The following LRRC9 variants were observed in gnomAD, a reference collection of about 807,000 sequenced individuals.
The protein encoded by LRRC9 is leucine rich repeat containing 9, also known as leucine-rich repeat-containing protein 9.
LRRC9 carries 122 observed loss-of-function variants against 63.2 expected under a neutral mutation model. The ratio of observed to expected loss-of-function variants is 1.93; its 90% confidence interval spans 1.67 to 2.24. The LOEUF (loss-of-function observed/expected upper bound fraction) is 2.24. LRRC9 is among the 30% of genes most tolerant of loss of function. LRRC9 has a pLI of 0.00. For missense variants in LRRC9, 1,071 were observed against 627.7 expected, an observed-to-expected ratio of 1.71 and a Z score of -7.55; for synonymous variants, 366 against 213.1, an observed-to-expected ratio of 1.72 and a Z score of -6.25.
chr14:60,053,152 G>A lies in LRRC9; in HGVS notation c.4078G>A (p.Asp1360Asn). 4.3e-6 allele frequency: 3 copies of A among 701,628 alleles called. No individual in the cohort carries two copies. Among genetic ancestry groups the A allele is most frequent in the Non-Finnish European group, 7.8e-6 (3 of 384,198 alleles). 43.5% of individuals were successfully genotyped at this position (701,628 alleles called of 1,614,324 possible). Residue 1360 changes from aspartate to asparagine, a missense_variant, in exon 30 of 32, where the codon GAT becomes AAT. Physicochemically the swap from Asp to Asn is conservative, Grantham distance 23 (BLOSUM62 1). Transcript: ENST00000445360. The surrounding 1 kb of genome is among the most constrained non-coding windows in gnomAD (Gnocchi z 4.8). ...AGATGGAAGTCCTGTGAATTCAGAT[G>A]ATAGGGCAAAAGCTGAATTTCACCT... is the stretch of plus-strand genomic sequence containing the variant.
intron 29 of LRRC9, among the ~76,000 whole-genome samples, chr14:60,045,323 C>G (rs994754897): frequency 6.6e-6 from 1 of 152,098 alleles, no homozygotes; most frequent in African/African-American, 2.4e-5. Flanking sequence ...AGGTCTGTTA[C>G]TTATGTAAAC....
At position 60,053,993 on chromosome 14, in the gene LRRC9, G is replaced by A. The variant is rs951449827; in HGVS notation, c.4131+788G>A. On this transcript the variant is annotated intron_variant, in intron 30 of 31. Transcript: ENST00000445360. This position sits in a 1 kb window ranked among gnomAD's most constrained non-coding sequence, Gnocchi z 4.8. ...GAGATGTTATGAAGACCTGGACCAC[G>A]GTAGAGAATATAAATGAATCTTTGA... 8 of 432,336 alleles carry A rather than the reference G, an allele frequency of 1.9e-5. No homozygotes were observed. Among genetic ancestry groups the A allele is most frequent in the East Asian group, 1.4e-4 (2 of 14,238 alleles). 26.8% of individuals were successfully genotyped at this position (432,336 alleles called of 1,614,324 possible). A position where few individuals can be genotyped will look rare whatever the true frequency, so the allele number is the denominator to read the frequency against.
In LRRC9 at chr14:60,031,069, G is replaced by A. The variant is rs375296849; in HGVS notation, c.3922-926G>A. On this transcript the variant is annotated intron_variant, in intron 28 of 31. Coordinates refer to ENST00000445360, the Ensembl canonical transcript of LRRC9. The surrounding 1 kb of genome is among the most constrained non-coding windows in gnomAD (Gnocchi z 4.6). ...TTGAGAAAATAATGTAAGACTTTTCGCATGTCCATGATTACTGATCAGGCT... is the reference window on the plus strand; with the variant it reads ...TTGAGAAAATAATGTAAGACTTTTCACATGTCCATGATTACTGATCAGGCT... Among the ~76,000 whole-genome samples, 18 of 151,978 alleles carry A rather than the reference G, an allele frequency of 1.2e-4. No homozygotes were observed. The highest frequency in any genetic ancestry group is 3.9e-4 in the African/African-American group (16 of 41,414).
At chr14:59,945,154 A>C (rs1872603496) in intron 8 of LRRC9, among the ~76,000 whole-genome samples, 1 of 151,960 alleles carries the variant, frequency 6.6e-6, no homozygotes, top group African/African-American at 2.4e-5. Context: ...GCTAAAAAAA[A>C]AAAAACCCTT....
rs200948568 is a variant in LRRC9, at chr14:59,944,864, ACT to A, written c.882+122_882+123del. The A allele has an allele frequency of 8.0e-4, 325 of 408,338 alleles. 2 individuals are homozygous for A. Among genetic ancestry groups the A allele is most frequent in the African/African-American group, 7.1e-3 (269 of 37,664 alleles). 25.3% of individuals were successfully genotyped at this position (408,338 alleles called of 1,614,324 possible). A position where few individuals can be genotyped will look rare whatever the true frequency, so the allele number is the denominator to read the frequency against. ...ACATATATAATACACACACACACAC[ACT>A]CACACACACACACACACACATATGT... On this transcript the variant is annotated intron_variant, in intron 8 of 31. Transcript: ENST00000445360.
intron 17 of LRRC9, among the ~76,000 whole-genome samples, chr14:59,997,115 T>C (rs1205268266): frequency 1.3e-5 from 2 of 152,102 alleles, no homozygotes; most frequent in African/African-American, 4.8e-5. Flanking sequence ...AATAGGATTA[T>C]ATATGTTTTC....
chr14:60,038,017 T>C (rs1289459551), intron 29 of LRRC9, among the ~76,000 whole-genome samples: 3 of 152,218 alleles, frequency 2.0e-5, no homozygotes, highest in South Asian at 2.1e-4. Context: ...ATTTATTAAA[T>C]AGGGAATCCT....
chr14:60,006,584 T>C (rs1031763119), exon 22 of LRRC9: 7 of 694,152 alleles, frequency 1.0e-5, no homozygotes, highest in Non-Finnish European at 1.8e-5. Context: ...GCAATAACTA[T>C]ATTGCTGTCA....
chr14:60,021,246 A>T (rs1038186926), intron 26 of LRRC9, among the ~76,000 whole-genome samples: 2 of 151,832 alleles, frequency 1.3e-5, no homozygotes, highest in Non-Finnish European at 1.5e-5. Context: ...AATGACGAAT[A>T]GTGTTGAGCA....
intron 12 of LRRC9, among the ~76,000 whole-genome samples, chr14:59,970,648 A>T (rs1046470116): frequency 6.6e-6 from 1 of 152,020 alleles, no homozygotes; most frequent in African/African-American, 2.4e-5. Flanking sequence ...ATGGTGTCTC[A>T]TTGTGGTTTT....
intron 17 of LRRC9, among the ~76,000 whole-genome samples, chr14:59,991,134 G>A (rs1168149645): frequency 1.3e-5 from 2 of 152,166 alleles, no homozygotes; most frequent in African/African-American, 2.4e-5. Context: ...TTCCAGTATT[G>A]TAAAAAGTTA....
intron 6 of LRRC9, among the ~76,000 whole-genome samples, chr14:59,937,199 A>C (rs1273923240): frequency 6.7e-6 from 1 of 150,138 alleles, no homozygotes; most frequent in Admixed American, 6.6e-5. Context: ...TTTCTGTAAA[A>C]AAAAAAAAAA....
intron 31 of LRRC9, among the ~76,000 whole-genome samples, chr14:60,061,284 T>C (rs1894642632): frequency 6.6e-6 from 1 of 152,186 alleles, no homozygotes; most frequent in Non-Finnish European, 1.5e-5. Flanking sequence ...GCAAACTCCA[T>C]TGTTGTCTTA....
In LRRC9 at chr14:60,014,414, TC is replaced by T. The variant is rs1890511176; in HGVS notation, c.3187-2245del. 2.6e-5 allele frequency among the ~76,000 whole-genome samples: 4 copies of T among 152,164 alleles called. No individual in the cohort carries two copies. The South Asian group carries it at 8.3e-4, about 32-fold the overall frequency. On this transcript the variant is annotated intron_variant, in intron 23 of 31. Coordinates refer to ENST00000445360, the Ensembl canonical transcript of LRRC9. ...TTTTTTCTTTCCATTTCAAAAACTT[TC>T]TTTAGTCATTTCTTAGGGTAGTTCT...
chr14:59,947,351 G>T (rs1389911836), intron 8 of LRRC9, among the ~76,000 whole-genome samples: 3 of 110,816 alleles, frequency 2.7e-5, no homozygotes, highest in African/African-American at 3.8e-5. Flanking sequence ...TTTTGATGGG[G>T]TTGTTTGTTT....
In LRRC9 at chr14:60,058,321, C is replaced by T. The variant is rs1245606904; in HGVS notation, c.4276+299C>T. Reference sequence around the variant, plus strand: ...TATTTCCTGACATATCTTTTCAAAGCTTTTATTTCATTTCATGGATGTCAG... The same window carrying T: ...TATTTCCTGACATATCTTTTCAAAGTTTTTATTTCATTTCATGGATGTCAG... On this transcript the variant is annotated intron_variant, in intron 31 of 31. Transcript: ENST00000445360. This position sits in a 1 kb window ranked among gnomAD's most constrained non-coding sequence, Gnocchi z 4.4. 2.6e-5 allele frequency among the ~76,000 whole-genome samples: 4 copies of T among 152,088 alleles called. No homozygotes were observed. The highest frequency in any genetic ancestry group is 5.9e-5 in the Non-Finnish European group (4 of 67,966).
intron 26 of LRRC9, among the ~76,000 whole-genome samples, 199 bp from the exon 27 acceptor site, chr14:60,022,535 T>C (rs1393407834): frequency 1.3e-5 from 2 of 151,800 alleles, no homozygotes; most frequent in Non-Finnish European, 2.9e-5. Context: ...ATGTACTTCT[T>C]TATTCTAGAC....
At chr14:60,066,216 T>C (rs1894881144), downstream of LRRC9, among the ~76,000 whole-genome samples, 1 of 151,848 alleles carries the variant, frequency 6.6e-6, no homozygotes, top group Non-Finnish European at 1.5e-5. Flanking sequence ...TAGTGTGCAC[T>C]ATGTATGTGT....
intron 26 of LRRC9, among the ~76,000 whole-genome samples, chr14:60,022,227 G>A (rs537455166): frequency 6.6e-6 from 1 of 151,796 alleles, no homozygotes; most frequent in East Asian, 1.9e-4. Flanking sequence ...AATTTATGCT[G>A]AAGTATTTTA....
Sources: allele counts gnomAD v4.1 joint callset (sites outside exome capture counted in the v4.1 genomes callset), GRCh38; gene constraint gnomAD v4.1.1; non-coding constraint Gnocchi (gnomAD v3.1); transcripts MANE v1.5; gene names NCBI Gene and HGNC (gene_info 2026-07-23, HGNC 2026-07-21).